Variants in KPNA1 observed in about 807,000 individuals in gnomAD.
KPNA1 encodes the protein karyopherin subunit alpha 1, also known as importin subunit alpha-5.
Under a neutral mutation model 70.5 loss-of-function variants are expected in KPNA1, and 10 were observed. The ratio of observed to expected loss-of-function variants is 0.14; its 90% CI spans 0.09 to 0.24. The LOEUF is 0.24. Among genes scored for constraint, KPNA1 ranks in the 10% least tolerant of loss-of-function variants. The pLI, the probability that KPNA1 is intolerant of heterozygous loss-of-function variation, is 1.00. For missense variants in KPNA1, 397 were observed against 637.9 expected, an observed-to-expected ratio of 0.62 and a Z score of 4.07; for synonymous variants, 192 against 221.9, an observed-to-expected ratio of 0.87 and a Z score of 1.20.
chr3:122,501,012 CTTCTT>C lies in KPNA1; in HGVS notation c.-5-4447_-5-4443del, dbSNP rs1288240938. On this transcript the variant is annotated intron_variant, in intron 1 of 13. Transcript: ENST00000344337. ...GTTAGGTTACTGATTTGAGATCTTT[CTTCTT>C]TTCTTTTCTTTCCTTTTTTTTTTTT... Among the ~76,000 whole-genome samples, 7 of 144,342 alleles carry C rather than the reference CTTCTT, an allele frequency of 4.8e-5. No individual in the cohort carries two copies. In the South Asian group the frequency reaches 8.7e-4, roughly 18 times the overall value. 94.7% of individuals were successfully genotyped at this position (144,342 alleles called of 152,430 possible).
At chr3:122,457,860 G>C in intron 5 of KPNA1, 1 of 1,288,548 alleles carries the variant, frequency 7.8e-7, no homozygotes, top group Non-Finnish European at 1.0e-6. Context: ...TGGAGAGCAA[G>C]TGAAAAGAAA....
At chr3:122,445,338 GAAGAC>G (rs2076123113) in intron 9 of KPNA1, among the ~76,000 whole-genome samples, 1 of 152,188 alleles carries the variant, frequency 6.6e-6, no homozygotes, top group Admixed American at 6.5e-5. Context: ...AATAAAGTGT[GAAGAC>G]AAGATTAGAG....
At position 122,459,193 on chromosome 3, in the gene KPNA1, C is replaced by T. The variant is rs201834228; in HGVS notation, c.432+2031G>A. Among the ~76,000 whole-genome samples, 18 of 152,160 alleles carry T rather than the reference C, an allele frequency of 1.2e-4. No homozygotes were observed. The East Asian group carries it at 3.3e-3, about 28-fold the overall frequency. ...TGTCTTAGCCAGAAGAGGGCACTGT[C>T]GGAGAATGTACTTGTACTTTTTAAG... On this transcript the variant is annotated intron_variant, in intron 5 of 13. Coordinates refer to ENST00000344337, the MANE Select transcript of KPNA1 (RefSeq NM_002264.4).
At chr3:122,431,805 C>CT (rs199643020) in intron 12 of KPNA1, among the ~76,000 whole-genome samples, 27,478 of 144,526 alleles carry the variant, frequency 0.19, 2,762 homozygotes, top group Middle Eastern at 0.3. Context: ...TCTTCTTCTT[C>CT]TTTTTTTTTT....
intron 1 of KPNA1, 98 bp from the exon 2 acceptor site, chr3:122,496,668 C>A: frequency 9.1e-7 from 1 of 1,094,870 alleles, no homozygotes; most frequent in Non-Finnish European, 1.3e-6. Flanking sequence ...CCAGACATAT[C>A]CCAAAGGGAC....
At position 122,449,512 on chromosome 3, in the gene KPNA1, A is replaced by T. The variant is rs962326106; in HGVS notation, c.917+62T>A. 3 of 1,289,024 alleles carry T rather than the reference A, an allele frequency of 2.3e-6. No individual in the cohort carries two copies. In the African/African-American group the frequency reaches 4.5e-5, roughly 19 times the overall value. 79.8% of individuals were successfully genotyped at this position (1,289,024 alleles called of 1,614,324 possible). On this transcript the variant is annotated intron_variant, in intron 9 of 13. Transcript: ENST00000344337. ...TACAATCCATTAATATTTAAGTATT[A>T]GCAGCTAGAAAACTAGTACCAAGGG... is the stretch of plus-strand genomic sequence containing the variant.
intron 2 of KPNA1, among the ~76,000 whole-genome samples, chr3:122,489,595 C>CT (rs2076674394): frequency 6.6e-6 from 1 of 152,118 alleles, no homozygotes; most frequent in Non-Finnish European, 1.5e-5. Flanking sequence ...TTCCATGTCT[C>CT]TAACTTTTTG....
At chr3:122,443,244 CGG>C (rs963804831) in intron 9 of KPNA1, 1 of 152,272 alleles carries the variant, frequency 6.6e-6, no homozygotes, top group Non-Finnish European at 1.5e-5. Context: ...TGCAGCCTGG[CGG>C]GGGGAGGGGC....
chr3:122,436,019 T>C (rs1049241914), intron 11 of KPNA1, among the ~76,000 whole-genome samples: 1 of 152,172 alleles, frequency 6.6e-6, no homozygotes, highest in Non-Finnish European at 1.5e-5. Flanking sequence ...CAAAAGTGAA[T>C]AGGAGAAATA....
intron 10 of KPNA1, among the ~76,000 whole-genome samples, chr3:122,440,297 G>T (rs2076045676): frequency 6.6e-6 from 1 of 152,172 alleles, no homozygotes; most frequent in African/African-American, 2.4e-5. Context: ...AGAAAATAAT[G>T]TTAATACCAA....
intron 12 of KPNA1, 97 bp from the exon 13 acceptor site, chr3:122,427,813 T>TAA (rs57966074): frequency 2.7e-3 from 1,564 of 577,464 alleles, no homozygotes; most frequent in Middle Eastern, 6.6e-3. Flanking sequence ...TGCAGAGACT[T>TAA]AAAAAAAAAA....
chr3:122,466,552 C>T (rs993319631), intron 3 of KPNA1, among the ~76,000 whole-genome samples: 1 of 151,778 alleles, frequency 6.6e-6, no homozygotes, highest in Admixed American at 6.6e-5. Context: ...AGGTCTAATC[C>T]ATACAAATAA....
chr3:122,492,756 C>T (rs2076714594), intron 2 of KPNA1, among the ~76,000 whole-genome samples: 1 of 152,152 alleles, frequency 6.6e-6, no homozygotes, highest in Non-Finnish European at 1.5e-5. Flanking sequence ...CTCCACAGAA[C>T]ATAATTTTAA....
At chr3:122,436,469 G>A (rs146683723) in intron 11 of KPNA1, among the ~76,000 whole-genome samples, 201 of 152,308 alleles carry the variant, frequency 1.3e-3, no homozygotes, top group African/African-American at 4.5e-3. Context: ...GGAACGTGCC[G>A]ATATGTGATG....
chr3:122,453,739 G>A, intron 6 of KPNA1, 131 bp downstream of exon 6: 1 of 713,454 alleles, frequency 1.4e-6, no homozygotes. Flanking sequence ...ATTTCACCAT[G>A]TTGGCTAGGC....
intron 2 of KPNA1, among the ~76,000 whole-genome samples, chr3:122,488,267 T>C (rs2076653199): frequency 6.6e-6 from 1 of 152,180 alleles, no homozygotes; most frequent in Admixed American, 6.5e-5. Flanking sequence ...ACTCCTGTAA[T>C]GCCAGCACTT....
At chr3:122,461,160 T>C (rs531173299) in intron 5 of KPNA1, 64 bp downstream of exon 5, 1 of 989,890 alleles carries the variant, frequency 1.0e-6, no homozygotes, top group African/African-American at 1.6e-5. Context: ...AACAAATTTG[T>C]GTACAAAATA....
intron 12 of KPNA1, among the ~76,000 whole-genome samples, chr3:122,428,780 T>A (rs1168825213): frequency 6.6e-6 from 1 of 152,224 alleles, no homozygotes; most frequent in African/African-American, 2.4e-5. Flanking sequence ...TTCACACTGG[T>A]GAATTCTGGC....
chr3:122,462,820 G>T (rs1293325409), intron 4 of KPNA1, among the ~76,000 whole-genome samples: 2 of 152,024 alleles, frequency 1.3e-5, no homozygotes, highest in African/African-American at 4.8e-5. Flanking sequence ...ACTTAATACT[G>T]GGGGGTTTAA....
Sources: allele counts gnomAD v4.1 joint callset (sites outside exome capture counted in the v4.1 genomes callset), GRCh38; gene constraint gnomAD v4.1.1; transcripts MANE v1.5; gene names NCBI Gene and HGNC (gene_info 2026-07-23, HGNC 2026-07-21).